CSMD1: variants seen among roughly 807,000 people sequenced by gnomAD.
The protein encoded by CSMD1 is CUB and Sushi multiple domains 1.
A neutral mutation model predicts 417.5 loss-of-function variants in CSMD1; 213 were observed. The ratio of observed to expected loss-of-function variants is 0.51; its 90% confidence interval spans 0.46 to 0.57. The LOEUF is 0.57. Among genes scored for constraint, CSMD1 ranks in the 20% least tolerant of loss-of-function variants. CSMD1 has a pLI of 0.00. For missense variants in CSMD1, 6,923 were observed against 4,529.7 expected (o/e 1.53, Z -15.17); for synonymous variants, 2,862 against 1,736.8 (o/e 1.65, Z -16.11).
At chr8:4,435,709 G>C (rs191161565) in intron 2 of CSMD1, among the ~76,000 whole-genome samples, 2 of 152,248 alleles carry the variant, frequency 1.3e-5, no homozygotes, top group South Asian at 4.1e-4. Context: ...GCCTCTGTGT[G>C]GGGCTGTGGC....
intron 2 of CSMD1, among the ~76,000 whole-genome samples, chr8:4,447,155 T>C (rs1384020692): frequency 2.0e-5 from 3 of 152,212 alleles, no homozygotes. Context: ...AACAACATTT[T>C]AATAAATTAT....
At chr8:4,175,115 T>C (rs1054890893) in intron 3 of CSMD1, among the ~76,000 whole-genome samples, 1 of 152,048 alleles carries the variant, frequency 6.6e-6, no homozygotes, top group African/African-American at 2.4e-5. Context: ...CCAAGAATAA[T>C]AATATCTGAG....
intron 25 of CSMD1, among the ~76,000 whole-genome samples, chr8:3,301,253 G>C (rs368282522): frequency 6.6e-6 from 1 of 152,006 alleles, no homozygotes; most frequent in African/African-American, 2.4e-5. Context: ...GCGTTTGCAG[G>C]GTGGTCAGTG....
chr8:3,690,852 C>T (rs922729348), intron 7 of CSMD1, among the ~76,000 whole-genome samples: 6 of 151,858 alleles, frequency 4.0e-5, no homozygotes, highest in Non-Finnish European at 8.8e-5. Flanking sequence ...AATAGGTGGT[C>T]TAATTACCCA....
intron 3 of CSMD1, among the ~76,000 whole-genome samples, chr8:4,170,318 A>C (rs1234393189): frequency 6.6e-6 from 1 of 151,962 alleles, no homozygotes; most frequent in Non-Finnish European, 1.5e-5. Context: ...TGATATAAAA[A>C]GTAACAAATT....
chr8:3,836,448 T>C (rs1262017100), intron 5 of CSMD1, among the ~76,000 whole-genome samples: 4 of 152,144 alleles, frequency 2.6e-5, no homozygotes, highest in Admixed American at 2.6e-4. Flanking sequence ...AATTTCTGCA[T>C]TAATAGGGAA....
chr8:2,946,205 T>G (rs1186218939), intron 68 of CSMD1, among the ~76,000 whole-genome samples: 1 of 152,192 alleles, frequency 6.6e-6, no homozygotes, highest in East Asian at 1.9e-4. Context: ...TATGCGATCT[T>G]TTGTTGACCA....
intron 3 of CSMD1, among the ~76,000 whole-genome samples, chr8:4,292,266 G>C (rs1163005970): frequency 2.0e-5 from 3 of 151,886 alleles, no homozygotes; most frequent in Non-Finnish European, 4.4e-5. Context: ...GTTTAGTTTT[G>C]TTTTGAGACA....
chr8:4,394,957 G>C (rs182745006), intron 3 of CSMD1, among the ~76,000 whole-genome samples: 1 of 152,308 alleles, frequency 6.6e-6, no homozygotes, highest in African/African-American at 2.4e-5. Context: ...AGTTAAGAAA[G>C]GGAAGAGTTA....
At chr8:3,916,899 G>A (rs896024545) in intron 5 of CSMD1, among the ~76,000 whole-genome samples, 44 of 131,262 alleles carry the variant, frequency 3.4e-4, no homozygotes, top group Admixed American at 6.1e-4. Flanking sequence ...GAAACAGAAT[G>A]AGACATATTA....
intron 3 of CSMD1, among the ~76,000 whole-genome samples, chr8:4,397,379 A>G (rs1179490964): frequency 6.6e-6 from 1 of 152,192 alleles, no homozygotes; most frequent in African/African-American, 2.4e-5. Flanking sequence ...TATAATCTTA[A>G]GTGGAAAAGA....
chr8:3,198,824 T>C (rs543163218), intron 33 of CSMD1, among the ~76,000 whole-genome samples: 2 of 152,306 alleles, frequency 1.3e-5, no homozygotes, highest in South Asian at 2.1e-4. Context: ...AAAGAAACCA[T>C]TGCTAAGAAA....
At chr8:3,534,533 A>G (rs914068673) in intron 10 of CSMD1, among the ~76,000 whole-genome samples, 2 of 152,052 alleles carry the variant, frequency 1.3e-5, no homozygotes, top group African/African-American at 4.8e-5. Context: ...AAAAAAAAAA[A>G]AAGAAAAACT....
chr8:4,943,773 T>C (rs1199320722), intron 1 of CSMD1, among the ~76,000 whole-genome samples: 2 of 152,174 alleles, frequency 1.3e-5, no homozygotes, highest in African/African-American at 4.8e-5. Context: ...TTACTTTCCC[T>C]GAAAATTGCA....
At chr8:4,659,452 C>T (rs565827007) in intron 1 of CSMD1, among the ~76,000 whole-genome samples, 14 of 152,252 alleles carry the variant, frequency 9.2e-5, no homozygotes, top group Middle Eastern at 3.4e-3. Flanking sequence ...TGGAATACCA[C>T]TCAGTCACAA....
intron 1 of CSMD1, among the ~76,000 whole-genome samples, chr8:4,921,256 C>T (rs1026638825): frequency 6.6e-6 from 1 of 152,172 alleles, no homozygotes; most frequent in East Asian, 1.9e-4. Flanking sequence ...CCAGAGGCAA[C>T]ATTTATTGTC....
chr8:4,624,430 G>C (rs1291342807), intron 2 of CSMD1, among the ~76,000 whole-genome samples: 1 of 152,078 alleles, frequency 6.6e-6, no homozygotes, highest in East Asian at 1.9e-4. Context: ...ATCCTCTCTG[G>C]AATTACCAGC....
At chr8:3,521,697 T>C (rs751494798) in intron 10 of CSMD1, among the ~76,000 whole-genome samples, 1 of 152,232 alleles carries the variant, frequency 6.6e-6, no homozygotes, top group Non-Finnish European at 1.5e-5. Flanking sequence ...TCATCAACCA[T>C]GACCAGAATT....
chr8:3,351,944 T>G (rs916589665), intron 21 of CSMD1, among the ~76,000 whole-genome samples: 18 of 152,280 alleles, frequency 1.2e-4, no homozygotes, highest in Admixed American at 9.8e-4. Context: ...TATTTGTGTT[T>G]GAGTTAATAC....
Sources: allele counts gnomAD v4.1 joint callset (sites outside exome capture counted in the v4.1 genomes callset), GRCh38; gene constraint gnomAD v4.1.1; transcripts MANE v1.5; gene names NCBI Gene and HGNC (gene_info 2026-07-23, HGNC 2026-07-21).